The following MAGI2 variants were observed in gnomAD, a reference collection of about 807,000 sequenced individuals.
MAGI2 encodes the protein membrane associated guanylate kinase, WW and PDZ domain containing 2.
MAGI2 carries 35 observed loss-of-function variants against 133.3 expected under a neutral mutation model. That is an observed-to-expected ratio of 0.26 (90% confidence interval 0.20 to 0.35). The LOEUF is 0.35. MAGI2 is among the 10% of genes least tolerant of loss of function. MAGI2 has a pLI of 1.00. For missense variants in MAGI2, 1,636 were observed against 1,863.4 expected (o/e 0.88, Z 2.25); for synonymous variants, 729 against 710.6 (o/e 1.03, Z -0.41).
At chr7:79,196,969 C>G (rs1828144256) in intron 1 of MAGI2, among the ~76,000 whole-genome samples, 1 of 151,672 alleles carries the variant, frequency 6.6e-6, no homozygotes, top group African/African-American at 2.4e-5. Context: ...GAGAGAGAGA[C>G]TGGGTTTTGC....
rs543258164 is a variant in MAGI2 at position 78,562,402 on chromosome 7, A to C, written c.539-40757T>G. Among the ~76,000 whole-genome samples the C allele has an allele frequency of 1.3e-4, 20 of 152,362 alleles. No individual in the cohort carries two copies. The South Asian group carries it at 4.1e-3, about 32-fold the overall frequency. On this transcript the variant is annotated intron_variant, in intron 3 of 21. Coordinates refer to ENST00000354212, the MANE Select transcript of MAGI2 (RefSeq NM_012301.4). Reference sequence around the variant, plus strand: ...CAACAATAACCACACAAAAGCCAGCAGAATTTTCTTTGCTGCTCATGTGCC... The same window carrying C: ...CAACAATAACCACACAAAAGCCAGCCGAATTTTCTTTGCTGCTCATGTGCC...
At position 79,237,094 on chromosome 7, in the gene MAGI2, A is replaced by G. The variant is rs1234359120; in HGVS notation, c.301+215926T>C. ...GACAGCTCTCAGTTTGTACCTTTAA[A>G]TAGTATGAGAAAGTAGATCAGAATT... On this transcript the variant is annotated intron_variant, in intron 1 of 21. Coordinates refer to ENST00000354212, the MANE Select transcript of MAGI2 (RefSeq NM_012301.4). Among the ~76,000 whole-genome samples, 6 of 152,334 alleles carry G rather than the reference A, an allele frequency of 3.9e-5. No homozygotes were observed. In the South Asian group the frequency reaches 8.3e-4, roughly 21 times the overall value.
chr7:78,644,666 G>A (rs1370756204), intron 2 of MAGI2, among the ~76,000 whole-genome samples: 2 of 152,134 alleles, frequency 1.3e-5, no homozygotes, highest in African/African-American at 4.8e-5. Context: ...CAAGAGAAAT[G>A]TTTAACTCGA....
intron 2 of MAGI2, among the ~76,000 whole-genome samples, chr7:78,923,193 T>G (rs1020150959): frequency 3.9e-5 from 6 of 152,200 alleles, no homozygotes; most frequent in African/African-American, 1.4e-4. Context: ...AGCTCTTTAG[T>G]TTAATTAGAT....
intron 1 of MAGI2, among the ~76,000 whole-genome samples, chr7:79,234,045 C>A (rs1408515944): frequency 7.1e-6 from 1 of 141,578 alleles, no homozygotes; most frequent in Admixed American, 7.2e-5. Flanking sequence ...ATTTCTCCTT[C>A]GCTTATGAAG....
chr7:78,065,428 T>C, intron 21 of MAGI2: 2 of 499,468 alleles, frequency 4.0e-6, no homozygotes, highest in South Asian at 7.4e-5. Flanking sequence ...TTATCACTTA[T>C]AAGGTCTGAG....
chr7:78,826,655 A>G (rs1045369342), intron 2 of MAGI2, among the ~76,000 whole-genome samples: 4 of 152,182 alleles, frequency 2.6e-5, no homozygotes, highest in African/African-American at 9.7e-5. Context: ...ATTTATGCAA[A>G]TTAAAAAATT....
intron 18 of MAGI2, among the ~76,000 whole-genome samples, chr7:78,128,277 G>T (rs1821197890): frequency 6.6e-6 from 1 of 152,122 alleles, no homozygotes; most frequent in Non-Finnish European, 1.5e-5. Context: ...AAAAGAAATA[G>T]CCAATCCCTA....
At chr7:78,173,199 T>G (rs1021006635) in intron 14 of MAGI2, among the ~76,000 whole-genome samples, 2 of 152,202 alleles carry the variant, frequency 1.3e-5, no homozygotes, top group African/African-American at 4.8e-5. Context: ...ACCTGGGAAC[T>G]TGTGTACAAA....
intron 2 of MAGI2, among the ~76,000 whole-genome samples, chr7:78,764,114 A>C (rs2151305567): frequency 6.6e-6 from 1 of 152,324 alleles, no homozygotes; most frequent in South Asian, 2.1e-4. Context: ...TGTGAACTTA[A>C]GGTTTCTAAA....
At chr7:79,020,447 C>T (rs951816078) in intron 1 of MAGI2, among the ~76,000 whole-genome samples, 1 of 152,082 alleles carries the variant, frequency 6.6e-6, no homozygotes, top group Admixed American at 6.6e-5. Flanking sequence ...AGGAGAAATT[C>T]AAGCCTGCTG....
intron 2 of MAGI2, among the ~76,000 whole-genome samples, chr7:78,736,780 G>A (rs1285826088): frequency 1.3e-5 from 2 of 152,052 alleles, no homozygotes; most frequent in Non-Finnish European, 2.9e-5. Flanking sequence ...TGGGGGTGGG[G>A]GGAGTGTCAG....
chr7:78,102,222 T>C (rs953899933), intron 20 of MAGI2, among the ~76,000 whole-genome samples: 4 of 152,068 alleles, frequency 2.6e-5, no homozygotes, highest in East Asian at 1.9e-4. Flanking sequence ...GGGGAGATAA[T>C]GGTGAAAGGG....
At chr7:79,448,229 T>G (rs907435441) in intron 1 of MAGI2, among the ~76,000 whole-genome samples, 35 of 152,032 alleles carry the variant, frequency 2.3e-4, no homozygotes, top group Non-Finnish European at 3.1e-4. Context: ...AGTGAAAATA[T>G]TTTCCATTGT....
chr7:78,657,357 C>A (rs867702527), intron 2 of MAGI2, among the ~76,000 whole-genome samples: 1 of 152,120 alleles, frequency 6.6e-6, no homozygotes, highest in Admixed American at 6.5e-5. Context: ...CATGTCCACA[C>A]AAAAACCTGC....
intron 2 of MAGI2, among the ~76,000 whole-genome samples, chr7:78,719,058 T>C (rs959750333): frequency 6.6e-6 from 1 of 152,190 alleles, no homozygotes; most frequent in Admixed American, 6.5e-5. Flanking sequence ...CATCCTTATG[T>C]CTGTGGGGAA....
Position 78,969,999 on chromosome 7 carries a change from C to T in MAGI2, c.418+37091G>A, listed in dbSNP as rs577545701. On this transcript the variant is annotated intron_variant, in intron 2 of 21. Coordinates refer to ENST00000354212, the MANE Select transcript of MAGI2 (RefSeq NM_012301.4). ...GTTGCATAGCCTGGAATTGGTAGCACCACAGCTCAGACCCATGCATGCTGC... is the reference window on the plus strand; with the variant it reads ...GTTGCATAGCCTGGAATTGGTAGCATCACAGCTCAGACCCATGCATGCTGC... Among the ~76,000 whole-genome samples, 7 of 152,028 alleles carry T rather than the reference C, an allele frequency of 4.6e-5. No homozygotes were observed. In the South Asian group the frequency reaches 1.5e-3, roughly 32 times the overall value.
At chr7:79,256,644 C>A (rs1325238966) in intron 1 of MAGI2, among the ~76,000 whole-genome samples, 1 of 152,076 alleles carries the variant, frequency 6.6e-6, no homozygotes, top group South Asian at 2.1e-4. Context: ...GTGTGCACCA[C>A]CACGTCCAGT....
intron 1 of MAGI2, among the ~76,000 whole-genome samples, chr7:79,079,933 A>G (rs905867379): frequency 1.3e-5 from 2 of 152,144 alleles, no homozygotes; most frequent in African/African-American, 4.8e-5. Context: ...CTTTAAAAAT[A>G]GTGAGGTACT....
Sources: allele counts gnomAD v4.1 joint callset (sites outside exome capture counted in the v4.1 genomes callset), GRCh38; gene constraint gnomAD v4.1.1; transcripts MANE v1.5; gene names NCBI Gene and HGNC (gene_info 2026-07-23, HGNC 2026-07-21).